SLC44A5: variants seen among roughly 807,000 people sequenced by gnomAD.
SLC44A5 encodes the protein choline transporter-like protein 5.
Under a neutral mutation model 101.8 loss-of-function variants are expected in SLC44A5, and 57 were observed. That is an observed-to-expected ratio of 0.56 (90% CI 0.45 to 0.70). The LOEUF (loss-of-function observed/expected upper bound fraction) is 0.70. Ranked by LOEUF, SLC44A5 falls within the 30% of genes least tolerant of loss-of-function variation. The pLI, the probability that SLC44A5 is intolerant of heterozygous loss-of-function variation, is 0.00. For missense variants in SLC44A5, 737 were observed against 853.1 expected (o/e 0.86, Z 1.70); for synonymous variants, 281 against 290.9 (o/e 0.97, Z 0.35).
chr1:75,377,178 A>G (rs1449573205), intron 3 of SLC44A5, among the ~76,000 whole-genome samples: 1 of 149,452 alleles, frequency 6.7e-6, no homozygotes, highest in Non-Finnish European at 1.5e-5. Context: ...ACTAAGAAAA[A>G]TTCTTCTGCC....
At chr1:75,602,545 A>G (rs1331962690) in intron 1 of SLC44A5, among the ~76,000 whole-genome samples, 1 of 152,088 alleles carries the variant, frequency 6.6e-6, no homozygotes, top group Non-Finnish European at 1.5e-5. Context: ...TTTATGATTA[A>G]ACATTTTTTA....
At chr1:75,286,430 A>T (rs1278759172) in intron 5 of SLC44A5, among the ~76,000 whole-genome samples, 1 of 152,096 alleles carries the variant, frequency 6.6e-6, no homozygotes, top group Admixed American at 6.6e-5. Flanking sequence ...CATTCCGCCA[A>T]TCCAAATCTT....
At chr1:75,478,850 A>G (rs1349857046) in intron 2 of SLC44A5, among the ~76,000 whole-genome samples, 2 of 152,200 alleles carry the variant, frequency 1.3e-5, no homozygotes, top group Admixed American at 1.3e-4. Context: ...AATGAGACAG[A>G]AAGTTAACAA....
intron 1 of SLC44A5, among the ~76,000 whole-genome samples, chr1:75,610,453 T>A (rs977265641): frequency 4.6e-5 from 7 of 152,104 alleles, no homozygotes; most frequent in African/African-American, 1.7e-4. Flanking sequence ...AACCTCTGCT[T>A]CAAAAAATAA....
At chr1:75,547,947 C>T (rs936177425) in intron 1 of SLC44A5, among the ~76,000 whole-genome samples, 1 of 152,110 alleles carries the variant, frequency 6.6e-6, no homozygotes, top group African/African-American at 2.4e-5. Context: ...ATTCCCAGAA[C>T]CCTCAGTTTT....
At chr1:75,350,497 C>G (rs530755747) in intron 3 of SLC44A5, among the ~76,000 whole-genome samples, 5 of 150,964 alleles carry the variant, frequency 3.3e-5, no homozygotes, top group African/African-American at 1.2e-4. Context: ...TTACATTCAA[C>G]AGAAAGGGAC....
At chr1:75,329,974 A>G (rs10493573) in intron 4 of SLC44A5, among the ~76,000 whole-genome samples, 46,881 of 151,676 alleles carry the variant, frequency 0.31, 8,831 homozygotes, top group East Asian at 0.82. Context: ...CTCCTGGTTC[A>G]TGTAATTTAG....
chr1:75,532,775 C>G (rs970610349), intron 2 of SLC44A5, among the ~76,000 whole-genome samples: 3 of 152,100 alleles, frequency 2.0e-5, no homozygotes, highest in African/African-American at 7.2e-5. Context: ...TGTGGTGGCT[C>G]ATGCCTGTAA....
chr1:75,425,902 T>C (rs937209749), intron 2 of SLC44A5, among the ~76,000 whole-genome samples: 4 of 152,216 alleles, frequency 2.6e-5, no homozygotes, highest in Non-Finnish European at 4.4e-5. Flanking sequence ...TCCCTTTCAG[T>C]GCCCTTTTTC....
At chr1:75,385,332 G>C (rs1233713114) in intron 3 of SLC44A5, among the ~76,000 whole-genome samples, 1 of 149,124 alleles carries the variant, frequency 6.7e-6, no homozygotes, top group African/African-American at 2.5e-5. Flanking sequence ...AAGAAAAAAA[G>C]AGAGAAGAAT....
At chr1:75,666,032 T>G in the SLC44A5 span, among the ~76,000 whole-genome samples, 4 of 152,152 alleles carry the variant, frequency 2.6e-5, no homozygotes, top group Non-Finnish European at 5.9e-5. Flanking sequence ...GGAGTATTAA[T>G]TGCTTCAGCC....
intron 2 of SLC44A5, among the ~76,000 whole-genome samples, chr1:75,443,427 C>T (rs77337865): frequency 0.23 from 35,524 of 151,738 alleles, 4,281 homozygotes; most frequent in African/African-American, 0.26. Context: ...TGTATAACTA[C>T]AAACATAGGA....
the SLC44A5 span, among the ~76,000 whole-genome samples, chr1:75,618,941 G>A: frequency 6.6e-6 from 1 of 151,848 alleles, no homozygotes; most frequent in Non-Finnish European, 1.5e-5. Context: ...GTGGTGGCAG[G>A]TACCTGTAAT....
chr1:75,202,470 C>CAA lies in SLC44A5; in HGVS notation c.*1255_*1256dup, dbSNP rs935346054. Reference sequence around the variant, plus strand: ...ATACTTTTCTGGACTCTTTCTGTAACAAACACTGAGTAACCAACTGAATTA... The same window carrying CAA: ...ATACTTTTCTGGACTCTTTCTGTAACAAAAACACTGAGTAACCAACTGAATTA... On this transcript the variant is annotated 3_prime_UTR_variant, in exon 24 of 24. Transcript: ENST00000370859. The CAA allele has an allele frequency of 1.3e-5, 2 of 152,152 alleles. No homozygotes were observed. The highest frequency in any genetic ancestry group is 4.8e-5 in the African/African-American group (2 of 41,446). 9.4% of individuals were successfully genotyped at this position (152,152 alleles called of 1,614,324 possible). A position where few individuals can be genotyped will look rare whatever the true frequency, so the allele number is the denominator to read the frequency against.
At chr1:75,594,208 A>G (rs1674511485) in intron 1 of SLC44A5, among the ~76,000 whole-genome samples, 3 of 152,064 alleles carry the variant, frequency 2.0e-5, no homozygotes. Context: ...TAAAAATTAT[A>G]CTGAGCCCAA....
chr1:75,329,496 G>A (rs111646903), intron 4 of SLC44A5, among the ~76,000 whole-genome samples: 122 of 151,468 alleles, frequency 8.1e-4, no homozygotes, highest in African/African-American at 2.8e-3. Context: ...TGTTCCCCGA[G>A]TTATGCTTAT....
At chr1:75,301,476 A>T (rs923407052) in intron 4 of SLC44A5, among the ~76,000 whole-genome samples, 2 of 152,204 alleles carry the variant, frequency 1.3e-5, no homozygotes, top group African/African-American at 4.8e-5. Flanking sequence ...TTGAAACTTA[A>T]TGAGGACTCC....
chr1:75,375,833 G>A (rs1337704563), intron 3 of SLC44A5, among the ~76,000 whole-genome samples: 3 of 152,216 alleles, frequency 2.0e-5, no homozygotes, highest in African/African-American at 7.2e-5. Flanking sequence ...TCGTGGAGGA[G>A]CCAAGATGGC....
chr1:75,337,458 G>A (rs753988391), intron 4 of SLC44A5, among the ~76,000 whole-genome samples: 140 of 152,202 alleles, frequency 9.2e-4, no homozygotes, highest in Non-Finnish European at 7.8e-4. Flanking sequence ...GCATCTTATC[G>A]GAGAGCTTTC....
Sources: gnomAD v4.1 joint callset for allele counts (sites outside exome capture counted in the v4.1 genomes callset) on GRCh38, gnomAD v4.1.1 for gene constraint, MANE v1.5 for transcripts, NCBI Gene and HGNC (gene_info 2026-07-23, HGNC 2026-07-21) for gene names.